Variants in DNAI4 observed in about 807,000 individuals in gnomAD.
DNAI4 encodes the protein WD repeat domain 78.
In DNAI4, 85 loss-of-function variants were observed where a neutral mutation model predicts 105.8. The observed-to-expected ratio is 0.80, with a 90% CI of 0.67 to 0.96. DNAI4 has a LOEUF of 0.96. Ranked by LOEUF, DNAI4 falls within the 40% of genes least tolerant of loss-of-function variation. DNAI4 has a pLI of 0.00. For synonymous variants in DNAI4, 352 were observed against 331.5 expected, an observed-to-expected ratio of 1.06 and a Z score of -0.67; for missense variants, 1,014 against 1,005.6, an observed-to-expected ratio of 1.01 and a Z score of -0.11.
intron 7 of DNAI4, among the ~76,000 whole-genome samples, chr1:66,853,036 A>G (rs561954040): frequency 2.0e-5 from 3 of 152,316 alleles, no homozygotes; most frequent in African/African-American, 7.2e-5. Context: ...AAGGGCCCTG[A>G]CCAGGAGGAA....
chr1:66,879,468 T>C (rs574127967), intron 4 of DNAI4, among the ~76,000 whole-genome samples: 7 of 152,378 alleles, frequency 4.6e-5, no homozygotes, highest in African/African-American at 1.7e-4. Context: ...GTCTTCTGCA[T>C]TGATGATTCA....
At chr1:66,870,352 G>A (rs1166857381) in intron 6 of DNAI4, among the ~76,000 whole-genome samples, 1 of 151,268 alleles carries the variant, frequency 6.6e-6, no homozygotes, top group Non-Finnish European at 1.5e-5. Context: ...TGAGGCAGGA[G>A]AATTGCTTGA....
At chr1:66,892,506 A>G (rs1228400715) in intron 3 of DNAI4, among the ~76,000 whole-genome samples, 1 of 152,218 alleles carries the variant, frequency 6.6e-6, no homozygotes, top group Non-Finnish European at 1.5e-5. Flanking sequence ...CTTGAGTGAA[A>G]TATATATATT....
intron 7 of DNAI4, among the ~76,000 whole-genome samples, chr1:66,848,743 GAT>G (rs748839054): frequency 3.9e-5 from 6 of 152,144 alleles, no homozygotes; most frequent in Non-Finnish European, 7.4e-5. Flanking sequence ...TGGGAACACT[GAT>G]GGGCACAGGC....
chr1:66,849,861 C>T (rs1190906006), intron 7 of DNAI4, among the ~76,000 whole-genome samples: 1 of 151,682 alleles, frequency 6.6e-6, no homozygotes, highest in Non-Finnish European at 1.5e-5. Flanking sequence ...ATGGAAATAA[C>T]CCAATCTTTA....
chr1:66,830,588 C>G (rs1420209511), intron 13 of DNAI4, among the ~76,000 whole-genome samples: 1 of 151,768 alleles, frequency 6.6e-6, no homozygotes, highest in Non-Finnish European at 1.5e-5. Flanking sequence ...ACCAGCCTGG[C>G]CAATATGGTG....
chr1:66,870,331 ACTCGGGAGG>A (rs1278087527), intron 6 of DNAI4, among the ~76,000 whole-genome samples: 1 of 151,540 alleles, frequency 6.6e-6, no homozygotes, highest in African/African-American at 2.4e-5. Flanking sequence ...AATCCCAGCT[ACTCGGGAGG>A]CTGAGGCAGG....
In DNAI4 at chr1:66,833,819, T is replaced by C. The variant is rs181690108; in HGVS notation, c.1892-113A>G. On this transcript the variant is annotated intron_variant, in intron 12 of 16. Coordinates refer to ENST00000371026, the MANE Select transcript of DNAI4 (RefSeq NM_024763.5). ...AATATTAGTTCTGCCAACTTTTGCA[T>C]GTAATTAGGCTAAAATTAGCACACA... 3.7e-4 allele frequency: 527 copies of C among 1,432,380 alleles called. 3 individuals carry two copies. In the African/African-American group the frequency reaches 6.3e-3, roughly 17 times the overall value. The allele number at this position is 1,432,380 out of a possible 1,614,324, so 88.7% of individuals were successfully genotyped here. A position where few individuals can be genotyped will look rare whatever the true frequency, so the allele number is the denominator to read the frequency against.
Position 66,814,183 on chromosome 1 carries a change from G to GAA in DNAI4, c.2497-5_2497-4dup. 18 of 1,402,024 alleles carry GAA rather than the reference G, an allele frequency of 1.3e-5. No homozygotes were observed. The highest frequency in any genetic ancestry group is 6.0e-5 in the Admixed American group (3 of 50,300). The allele number at this position is 1,402,024 out of a possible 1,614,324, so 86.8% of individuals were successfully genotyped here. On this transcript the variant is annotated splice_region_variant and splice_polypyrimidine_tract_variant and intron_variant, in intron 16 of 16. Coordinates refer to ENST00000371026, the MANE Select transcript of DNAI4 (RefSeq NM_024763.5). Reference sequence around the variant, plus strand: ...AGCAAAGTATCCATTATATCTCCCTGAAAAAAAAAAGTCACACAATTACAA... The same window carrying GAA: ...AGCAAAGTATCCATTATATCTCCCTGAAAAAAAAAAAAGTCACACAATTACAA...
intron 3 of DNAI4, among the ~76,000 whole-genome samples, 170 bp downstream of exon 3, chr1:66,893,053 AAGAGAG>A (rs71058480): frequency 3.0e-5 from 2 of 66,600 alleles, no homozygotes; most frequent in Middle Eastern, 8.5e-3. Flanking sequence ...GAAAGAAAGA[AAGAGAG>A]AGAGAGAAAG....
chr1:66,883,180 CTTTTTT>C, intron 4 of DNAI4, among the ~76,000 whole-genome samples: 1 of 93,004 alleles, frequency 1.1e-5, no homozygotes. Flanking sequence ...GTTTTCTTTT[CTTTTTT>C]TTTTTTTTTT....
At chr1:66,891,060 A>G (rs763188123) in intron 4 of DNAI4, 94 bp downstream of exon 4, 1 of 980,950 alleles carries the variant, frequency 1.0e-6, no homozygotes, top group South Asian at 1.3e-5. Context: ...GGAAATCATT[A>G]CCATATTTCT....
intron 10 of DNAI4, among the ~76,000 whole-genome samples, chr1:66,836,556 T>G (rs1646031047): frequency 6.6e-6 from 1 of 152,214 alleles, no homozygotes; most frequent in African/African-American, 2.4e-5. Flanking sequence ...CTCCCCAAGT[T>G]ACTGTGTTCT....
At chr1:66,906,010 G>A (rs1355819156) in intron 1 of DNAI4, among the ~76,000 whole-genome samples, 5 of 126,180 alleles carry the variant, frequency 4.0e-5, no homozygotes, top group African/African-American at 1.5e-4. Flanking sequence ...CGCAACCTCC[G>A]CCTCCTGGGT....
At chr1:66,911,973 C>T (rs1649690837) in intron 1 of DNAI4, among the ~76,000 whole-genome samples, 2 of 152,304 alleles carry the variant, frequency 1.3e-5, no homozygotes, top group South Asian at 4.1e-4. Context: ...TCCCAAGTAG[C>T]TGGGATTATA....
intron 2 of DNAI4, among the ~76,000 whole-genome samples, chr1:66,895,210 G>A (rs115470592): frequency 1.3e-5 from 2 of 152,302 alleles, no homozygotes; most frequent in East Asian, 1.9e-4. Flanking sequence ...GGGCACAGTG[G>A]CTCAATGCCT....
At chr1:66,844,283 G>A (rs543751066) in intron 8 of DNAI4, among the ~76,000 whole-genome samples, 2 of 152,074 alleles carry the variant, frequency 1.3e-5, no homozygotes, top group Admixed American at 1.3e-4. Flanking sequence ...AAATAGGCCT[G>A]GGCGCAGTGG....
At position 66,894,032 on chromosome 1, in the gene DNAI4, CATA is replaced by C. The variant is rs574377740; in HGVS notation, c.346-622_346-620del. ...TATAGCAATACTATTATGCACAGTACATAATATTTGATAATAATAATAAATTAT... is the reference window on the plus strand; with the variant it reads ...TATAGCAATACTATTATGCACAGTACATATTTGATAATAATAATAAATTAT... On this transcript the variant is annotated intron_variant, in intron 2 of 16. Transcript: ENST00000371026. Among the ~76,000 whole-genome samples the C allele has an allele frequency of 9.9e-5, 15 of 152,238 alleles. No homozygotes were observed. The South Asian group carries it at 2.7e-3, about 27-fold the overall frequency.
chr1:66,836,248 GAGAGAGAGAAAGAAAGAA>G (rs1646005766), intron 10 of DNAI4, among the ~76,000 whole-genome samples: 7 of 120,646 alleles, frequency 5.8e-5, no homozygotes, highest in Admixed American at 1.8e-4. Flanking sequence ...GAAAGAAAGA[GAGAGAGAGAAAGAAAGAA>G]AGAAAGAAAG....
Sources: allele counts gnomAD v4.1 joint callset (sites outside exome capture counted in the v4.1 genomes callset), GRCh38; gene constraint gnomAD v4.1.1; transcripts MANE v1.5; gene names NCBI Gene and HGNC (gene_info 2026-07-23, HGNC 2026-07-21).